The following SPON1 variants were observed in gnomAD, a reference collection of about 807,000 sequenced individuals.
The protein encoded by SPON1 is spondin-1.
Under a neutral mutation model 111.7 loss-of-function variants are expected in SPON1, and 52 were observed. The observed-to-expected ratio is 0.47, with a 90% confidence interval of 0.37 to 0.59. The LOEUF (loss-of-function observed/expected upper bound fraction) is 0.59, where lower values mean the gene tolerates loss of function less well. SPON1 is among the 20% of genes least tolerant of loss of function. The pLI, the probability that SPON1 is intolerant of heterozygous loss-of-function variation, is 0.00. For missense variants in SPON1, 957 were observed against 1,068.5 expected (o/e 0.90, Z 1.46); for synonymous variants, 410 against 395.8 (o/e 1.04, Z -0.43).
chr11:13,975,582 T>C (rs964332891), intron 1 of SPON1, among the ~76,000 whole-genome samples: 1 of 151,890 alleles, frequency 6.6e-6, no homozygotes, highest in Admixed American at 6.6e-5. Flanking sequence ...GGGTGAGAGG[T>C]ATTCCAGAAA....
rs34917934 is a variant in SPON1, at chr11:13,967,520, G to GA, written c.238+4388dup. On this transcript the variant is annotated intron_variant, in intron 1 of 15. Coordinates refer to ENST00000576479, the MANE Select transcript of SPON1 (RefSeq NM_006108.4). ...GGGGAAACAAAAACAAATTGGATAG[G>GA]AAAAAAAAAACCCAGAAAGAAAAAA... 4.8e-3 allele frequency among the ~76,000 whole-genome samples: 521 copies of GA among 109,274 alleles called. 1 individual carries two copies. The highest frequency in any genetic ancestry group is 0.014 in the African/African-American group (397 of 28,288). The allele number at this position is 109,274 out of a possible 152,430, so 71.7% of individuals were successfully genotyped here.
intron 5 of SPON1, among the ~76,000 whole-genome samples, chr11:14,083,980 G>A (rs1848984437): frequency 6.6e-6 from 1 of 152,190 alleles, no homozygotes. Context: ...AGTCGCATAA[G>A]TGCTTTTATT....
chr11:14,107,071 C>T (rs981498730), intron 5 of SPON1, among the ~76,000 whole-genome samples: 13 of 152,162 alleles, frequency 8.5e-5, no homozygotes, highest in Non-Finnish European at 1.9e-4. Flanking sequence ...GTTTTTCCTG[C>T]ACATGGAGCC....
At chr11:13,998,049 A>C (rs1554912014) in intron 2 of SPON1, among the ~76,000 whole-genome samples, 1 of 152,232 alleles carries the variant, frequency 6.6e-6, no homozygotes, top group African/African-American at 2.4e-5. Context: ...GCTGGGTGCC[A>C]TGCTGAACAC....
Position 14,256,608 on chromosome 11 carries a change from C to CT in SPON1, c.1234-4dup. On this transcript the variant is annotated splice_polypyrimidine_tract_variant and intron_variant, in intron 9 of 15. Coordinates refer to ENST00000576479, the MANE Select transcript of SPON1 (RefSeq NM_006108.4). ...CATGTGAGCCCTCCAAGTAAAATTC[C>CT]TTTTTCAGGGTGAACAATGCAATAT... 2.5e-6 allele frequency: 4 copies of CT among 1,609,042 alleles called. No individual in the cohort carries two copies. Among genetic ancestry groups the CT allele is most frequent in the Non-Finnish European group, 3.4e-6 (4 of 1,176,830 alleles).
At chr11:14,044,473 G>A (rs1202058250) in intron 3 of SPON1, among the ~76,000 whole-genome samples, 8 of 152,028 alleles carry the variant, frequency 5.3e-5, no homozygotes, top group Admixed American at 2.0e-4. Context: ...TTAGCTGGGC[G>A]TGGTGGTGCG....
intron 6 of SPON1, among the ~76,000 whole-genome samples, chr11:14,155,237 G>T (rs185411557): frequency 6.6e-6 from 1 of 152,054 alleles, no homozygotes; most frequent in African/African-American, 2.4e-5. Flanking sequence ...TATCTTTGTC[G>T]CAATGCCCCA....
chr11:14,091,314 G>C lies in SPON1; in HGVS notation c.676+11293G>C, dbSNP rs1386324409. ...GCAGGTGGAGCTGCCTGCCAGTCCC[G>C]TGCCGAGCGCTGGCATTCCTCAGCC... is the stretch of plus-strand genomic sequence containing the variant. On this transcript the variant is annotated intron_variant, in intron 5 of 15. Transcript: ENST00000576479. 2.0e-4 allele frequency among the ~76,000 whole-genome samples: 31 copies of C among 152,332 alleles called. No homozygotes were observed. In the East Asian group the frequency reaches 3.3e-3, roughly 16 times the overall value.
intron 6 of SPON1, among the ~76,000 whole-genome samples, chr11:14,199,859 G>A (rs879956463): frequency 2.6e-5 from 4 of 152,154 alleles, no homozygotes; most frequent in Non-Finnish European, 5.9e-5. Context: ...CAAGTTCCTT[G>A]GCCTTGCCTA....
chr11:14,063,687 G>A (rs1402850662), intron 3 of SPON1, among the ~76,000 whole-genome samples: 1 of 152,232 alleles, frequency 6.6e-6, no homozygotes, highest in Non-Finnish European at 1.5e-5. Context: ...CTCAATGGAT[G>A]AGCAAAGTTG....
rs75228557 is a variant in SPON1, at chr11:14,065,349, C to T, written c.480-9996C>T. On this transcript the variant is annotated intron_variant, in intron 3 of 15. Transcript: ENST00000576479. ...TGGGACGAACTGCGGAGAGTAATGA[C>T]TTGCATGAACCCAGCCAAGAGGGAG... Among the ~76,000 whole-genome samples, 260 of 152,284 alleles carry T rather than the reference C, an allele frequency of 1.7e-3. 5 individuals carry two copies. The East Asian group carries it at 0.027, about 16-fold the overall frequency.
intron 3 of SPON1, among the ~76,000 whole-genome samples, chr11:14,055,866 T>C (rs1217196129): frequency 1.3e-5 from 2 of 152,204 alleles, no homozygotes; most frequent in African/African-American, 4.8e-5. Context: ...AGCTCATCCT[T>C]AGAGGTTCCC....
At chr11:14,071,446 G>A (rs1484961107) in intron 3 of SPON1, among the ~76,000 whole-genome samples, 4 of 151,864 alleles carry the variant, frequency 2.6e-5, no homozygotes, top group East Asian at 1.9e-4. Flanking sequence ...CAACTCCCAC[G>A]TCCACACTCC....
At chr11:13,963,296 G>A (rs1554907720) in intron 1 of SPON1, among the ~76,000 whole-genome samples, 154 bp downstream of exon 1, 1 of 152,170 alleles carries the variant, frequency 6.6e-6, no homozygotes. Context: ...CTCGGCCCTT[G>A]CAGTCGCGAG....
intron 9 of SPON1, 135 bp from the exon 10 acceptor site, chr11:14,256,482 T>G: frequency 1.7e-6 from 1 of 578,242 alleles, no homozygotes; most frequent in Non-Finnish European, 3.0e-6. Context: ...AGATTGTAAA[T>G]GTTGGTCCAG....
At chr11:14,022,089 G>A (rs1848485111) in intron 2 of SPON1, among the ~76,000 whole-genome samples, 1 of 152,132 alleles carries the variant, frequency 6.6e-6, no homozygotes, top group African/African-American at 2.4e-5. Context: ...TGACCTTACC[G>A]TTTGGAAGAA....
At chr11:14,113,114 T>C (rs1554925601) in intron 5 of SPON1, among the ~76,000 whole-genome samples, 1 of 152,222 alleles carries the variant, frequency 6.6e-6, no homozygotes, top group Non-Finnish European at 1.5e-5. Context: ...CCAGACCTTA[T>C]AAAGCCAAAG....
intron 5 of SPON1, among the ~76,000 whole-genome samples, chr11:14,122,786 T>G (rs1847407462): frequency 6.6e-6 from 1 of 152,194 alleles, no homozygotes. Context: ...ATGTCCATCT[T>G]TAAATCCTTG....
intron 2 of SPON1, among the ~76,000 whole-genome samples, chr11:14,020,273 A>G (rs180973614): frequency 5.3e-4 from 81 of 152,318 alleles, no homozygotes; most frequent in African/African-American, 1.9e-3. Context: ...GAAGAAATCC[A>G]GAGAAGCACC....
Sources: gnomAD v4.1 joint callset for allele counts (sites outside exome capture counted in the v4.1 genomes callset) on GRCh38, gnomAD v4.1.1 for gene constraint, MANE v1.5 for transcripts, NCBI Gene and HGNC (gene_info 2026-07-23, HGNC 2026-07-21) for gene names.